Variants in EBF2 observed in about 807,000 individuals in gnomAD.
EBF2 encodes EBF transcription factor 2.
EBF2 carries 21 observed loss-of-function variants against 72.8 expected under a neutral mutation model. The observed-to-expected ratio is 0.29, with a 90% CI of 0.20 to 0.42. EBF2 has a LOEUF of 0.42. Ranked by LOEUF, EBF2 falls within the 10% of genes least tolerant of loss-of-function variation. EBF2 has a pLI of 1.00. For synonymous variants in EBF2, 299 were observed against 274.2 expected (o/e 1.09, Z -0.89); for missense variants, 637 against 731.2 (o/e 0.87, Z 1.49).
At chr8:25,972,309 C>A (rs937311712) in intron 6 of EBF2, among the ~76,000 whole-genome samples, 1 of 152,114 alleles carries the variant, frequency 6.6e-6, no homozygotes, top group African/African-American at 2.4e-5. Flanking sequence ...AGGGAGGCAC[C>A]ATCCCTCACC....
At chr8:25,932,574 T>C (rs932515717) in intron 6 of EBF2, among the ~76,000 whole-genome samples, 24 of 152,300 alleles carry the variant, frequency 1.6e-4, no homozygotes, top group Non-Finnish European at 2.9e-5. Flanking sequence ...GTTAAAACTG[T>C]GCCAGCACAT....
intron 6 of EBF2, among the ~76,000 whole-genome samples, chr8:25,929,023 T>C (rs1378578499): frequency 6.6e-6 from 1 of 152,196 alleles, no homozygotes; most frequent in African/African-American, 2.4e-5. Context: ...AGGAGTTGTA[T>C]TATATTATTA....
At chr8:25,848,180 G>T (rs1801879295) in intron 15 of EBF2, among the ~76,000 whole-genome samples, 1 of 152,094 alleles carries the variant, frequency 6.6e-6, no homozygotes, top group South Asian at 2.1e-4. Context: ...TCTTTTAAAG[G>T]TTCAAATCAC....
chr8:25,885,740 T>C lies in EBF2; in HGVS notation c.1009+1015A>G, dbSNP rs181850469. ...TTCTCTCGTCTGTCACCATGTAAGA[T>C]GTGCCTTTCGCCTTCTGCCATGAAT... On this transcript the variant is annotated intron_variant, in intron 10 of 15. Coordinates refer to ENST00000520164, the MANE Select transcript of EBF2 (RefSeq NM_022659.4). Among the ~76,000 whole-genome samples the C allele has an allele frequency of 6.6e-5, 10 of 152,304 alleles. No individual in the cohort carries two copies. The East Asian group carries it at 9.7e-4, about 15-fold the overall frequency.
At chr8:25,916,493 T>A (rs1046045710) in intron 6 of EBF2, among the ~76,000 whole-genome samples, 7 of 152,142 alleles carry the variant, frequency 4.6e-5, no homozygotes, top group African/African-American at 1.7e-4. Context: ...CACCACATTT[T>A]AAAACAGCCC....
chr8:26,017,857 C>T (rs1374367360), intron 6 of EBF2, among the ~76,000 whole-genome samples: 1 of 152,170 alleles, frequency 6.6e-6, no homozygotes, highest in East Asian at 1.9e-4. Context: ...CACCTCTCGA[C>T]AAAAACGCCC....
At chr8:26,001,955 G>T (rs571277797) in intron 6 of EBF2, among the ~76,000 whole-genome samples, 104 of 152,278 alleles carry the variant, frequency 6.8e-4, no homozygotes, top group African/African-American at 2.5e-3. Flanking sequence ...CCAGAATGGG[G>T]ATGACAGATA....
At chr8:25,854,032 TATTACTTTTAATA>T (rs1350721398) in intron 14 of EBF2, among the ~76,000 whole-genome samples, 1 of 152,178 alleles carries the variant, frequency 6.6e-6, no homozygotes, top group Admixed American at 6.5e-5. Flanking sequence ...AACAAACTTG[TATTACTTTTAATA>T]CATGGTAGGA....
At chr8:26,041,107 G>A in intron 2 of EBF2, 105 bp from the exon 3 acceptor site, 2 of 1,365,196 alleles carry the variant, frequency 1.5e-6, no homozygotes, top group Non-Finnish European at 2.0e-6. Context: ...CCCATCAAAA[G>A]GCAGCTTTGA....
chr8:25,887,590 T>C (rs1160945801), intron 9 of EBF2, among the ~76,000 whole-genome samples: 2 of 152,154 alleles, frequency 1.3e-5, no homozygotes, highest in African/African-American at 4.8e-5. Flanking sequence ...CATATCCTTT[T>C]TCCTGTATCA....
At chr8:25,934,444 C>A (rs990888876) in intron 6 of EBF2, among the ~76,000 whole-genome samples, 8 of 152,174 alleles carry the variant, frequency 5.3e-5, no homozygotes, top group African/African-American at 1.7e-4. Context: ...TGAAACACTG[C>A]AGGAAGACAT....
intron 10 of EBF2, among the ~76,000 whole-genome samples, chr8:25,881,907 G>C (rs1396623003): frequency 6.6e-6 from 1 of 152,200 alleles, no homozygotes; most frequent in East Asian, 1.9e-4. Context: ...AACCTGGGCT[G>C]CCGAGAGGCC....
chr8:25,940,381 C>G (rs1200751282), intron 6 of EBF2, among the ~76,000 whole-genome samples: 1 of 152,134 alleles, frequency 6.6e-6, no homozygotes, highest in East Asian at 1.9e-4. Flanking sequence ...CCATAGATAG[C>G]AAGTGGAAGA....
At chr8:25,971,562 A>G (rs1804190495) in intron 6 of EBF2, among the ~76,000 whole-genome samples, 1 of 152,178 alleles carries the variant, frequency 6.6e-6, no homozygotes, top group South Asian at 2.1e-4. Context: ...GGAGTCGTTT[A>G]CAACAGAAAT....
Position 25,844,549 on chromosome 8 carries a change from TTTC to T in EBF2, c.*57_*59del. 1.3e-6 allele frequency: 2 copies of T among 1,599,618 alleles called. No individual in the cohort carries two copies. Among genetic ancestry groups the T allele is most frequent in the Admixed American group, 1.7e-5 (1 of 59,970 alleles). Reference sequence around the variant, plus strand: ...ACACCCCCAAAAGAGCTCCTAGTGCTTTCTTCATTATTGGTCCATCAGAGTAAG... The same window carrying T: ...ACACCCCCAAAAGAGCTCCTAGTGCTTTCATTATTGGTCCATCAGAGTAAG... On this transcript the variant is annotated 3_prime_UTR_variant, in exon 16 of 16. Coordinates refer to ENST00000520164, the MANE Select transcript of EBF2 (RefSeq NM_022659.4).
At chr8:25,935,523 G>A (rs774683558) in intron 6 of EBF2, among the ~76,000 whole-genome samples, 5 of 152,170 alleles carry the variant, frequency 3.3e-5, no homozygotes, top group Admixed American at 6.5e-5. Context: ...AAGCCCTTGC[G>A]CGTGGGTCAG....
chr8:25,915,606 T>TG (rs1474046685), intron 6 of EBF2, among the ~76,000 whole-genome samples: 58 of 78,650 alleles, frequency 7.4e-4, no homozygotes, highest in South Asian at 6.2e-3. Context: ...TTCAGCCTTT[T>TG]GGAAAAAAAA....
chr8:25,986,919 A>G (rs7001438), intron 6 of EBF2, among the ~76,000 whole-genome samples: 1 of 151,860 alleles, frequency 6.6e-6, no homozygotes, highest in Non-Finnish European at 1.5e-5. Flanking sequence ...CAAAGGCAAC[A>G]TGGGGAGCCC....
intron 6 of EBF2, among the ~76,000 whole-genome samples, chr8:25,916,180 G>A (rs1803210990): frequency 6.6e-6 from 1 of 151,496 alleles, no homozygotes; most frequent in South Asian, 2.1e-4. Context: ...TAGCGACTTG[G>A]GAGGCTGAGA....
Sources: gnomAD v4.1 joint callset for allele counts (sites outside exome capture counted in the v4.1 genomes callset) on GRCh38, gnomAD v4.1.1 for gene constraint, MANE v1.5 for transcripts, NCBI Gene and HGNC (gene_info 2026-07-23, HGNC 2026-07-21) for gene names.